Variants in GPC5 observed in about 807,000 individuals in gnomAD.
GPC5 encodes the protein glypican 5.
GPC5 carries 47 observed loss-of-function variants against 53.9 expected under a neutral mutation model. The observed-to-expected ratio is 0.87, with a 90% CI of 0.69 to 1.11. The LOEUF is 1.11. Ranked by LOEUF, GPC5 falls within the 50% of genes most tolerant of loss-of-function variation. The probability of loss-of-function intolerance (pLI) is 0.00; values close to 1 mark genes in which losing one functional copy is unlikely to be tolerated. For synonymous variants in GPC5, 286 were observed against 263.3 expected, an observed-to-expected ratio of 1.09 and a Z score of -0.84; for missense variants, 748 against 713.1, an observed-to-expected ratio of 1.05 and a Z score of -0.56.
intron 2 of GPC5, among the ~76,000 whole-genome samples, chr13:91,537,918 T>G (rs1886664050): frequency 6.6e-6 from 1 of 152,164 alleles, no homozygotes; most frequent in Non-Finnish European, 1.5e-5. Context: ...ACACACAAAC[T>G]TCTACACAGA....
At chr13:92,305,253 A>G (rs2043103135) in intron 7 of GPC5, among the ~76,000 whole-genome samples, 1 of 152,148 alleles carries the variant, frequency 6.6e-6, no homozygotes, top group Non-Finnish European at 1.5e-5. Flanking sequence ...TGTTCAAAAG[A>G]GAGTTGAGAA....
chr13:91,483,497 C>T (rs556434157), intron 2 of GPC5, among the ~76,000 whole-genome samples: 1 of 152,156 alleles, frequency 6.6e-6, no homozygotes, highest in Non-Finnish European at 1.5e-5. Flanking sequence ...CCTATTATGA[C>T]GCTCATCCTC....
chr13:92,114,633 T>C (rs1332757899), intron 6 of GPC5, among the ~76,000 whole-genome samples: 2 of 152,180 alleles, frequency 1.3e-5, no homozygotes, highest in Non-Finnish European at 2.9e-5. Flanking sequence ...GAATTAAATT[T>C]ATCCTCCCTC....
At chr13:91,935,138 G>A (rs775101319) in intron 6 of GPC5, among the ~76,000 whole-genome samples, 3 of 151,910 alleles carry the variant, frequency 2.0e-5, no homozygotes, top group Non-Finnish European at 4.4e-5. Context: ...GATTAGGATA[G>A]TGAAAAAGAA....
intron 7 of GPC5, among the ~76,000 whole-genome samples, chr13:92,189,976 A>T (rs1043617271): frequency 6.6e-6 from 1 of 152,208 alleles, no homozygotes; most frequent in African/African-American, 2.4e-5. Flanking sequence ...AATTCATGTC[A>T]GACACCAATT....
chr13:92,725,667 C>T (rs1888625551), intron 7 of GPC5, among the ~76,000 whole-genome samples: 1 of 151,382 alleles, frequency 6.6e-6, no homozygotes, highest in Non-Finnish European at 1.5e-5. Flanking sequence ...AAATAAAAAT[C>T]ACACGTTCAA....
intron 7 of GPC5, among the ~76,000 whole-genome samples, chr13:92,786,961 C>T (rs999636378): frequency 1.3e-5 from 2 of 152,218 alleles, no homozygotes; most frequent in African/African-American, 4.8e-5. Context: ...CTGACTAAAA[C>T]TTCACTTCAT....
chr13:92,723,464 C>T (rs1403831401), intron 7 of GPC5, among the ~76,000 whole-genome samples: 1 of 132,962 alleles, frequency 7.5e-6, no homozygotes, highest in Non-Finnish European at 1.6e-5. Flanking sequence ...GGTAAAATGG[C>T]CATGTTTGAC....
chr13:91,539,948 G>A (rs557199911), intron 2 of GPC5, among the ~76,000 whole-genome samples: 3 of 151,882 alleles, frequency 2.0e-5, no homozygotes, highest in Non-Finnish European at 2.9e-5. Flanking sequence ...CTTTAAAATC[G>A]GAAATAAGAC....
intron 7 of GPC5, among the ~76,000 whole-genome samples, chr13:92,599,391 G>C (rs555775940): frequency 6.6e-6 from 1 of 152,130 alleles, no homozygotes; most frequent in South Asian, 2.1e-4. Flanking sequence ...ATGGAAGAGC[G>C]GGGAGGGAAA....
At chr13:91,971,561 G>T (rs1310622570) in intron 6 of GPC5, among the ~76,000 whole-genome samples, 1 of 152,018 alleles carries the variant, frequency 6.6e-6, no homozygotes, top group Non-Finnish European at 1.5e-5. Flanking sequence ...TGATGTTAGG[G>T]TGTCAATTTT....
chr13:91,413,782 TA>T (rs1333700743), intron 1 of GPC5, among the ~76,000 whole-genome samples: 1 of 152,222 alleles, frequency 6.6e-6, no homozygotes, highest in Non-Finnish European at 1.5e-5. Context: ...CCTTCTTTTT[TA>T]ACTTTGCGTG....
At chr13:92,126,672 G>T (rs1239436864) in intron 6 of GPC5, among the ~76,000 whole-genome samples, 1 of 152,104 alleles carries the variant, frequency 6.6e-6, no homozygotes, top group Admixed American at 6.5e-5. Context: ...TTACTATCTG[G>T]CCCTGGACAG....
At chr13:91,812,382 A>C (rs1441276672) in intron 5 of GPC5, among the ~76,000 whole-genome samples, 1 of 152,212 alleles carries the variant, frequency 6.6e-6, no homozygotes, top group African/African-American at 2.4e-5. Context: ...TGAAAAAGCA[A>C]GAAAACTGAA....
At chr13:92,680,394 T>A (rs1476671568) in intron 7 of GPC5, among the ~76,000 whole-genome samples, 1 of 152,210 alleles carries the variant, frequency 6.6e-6, no homozygotes, top group Non-Finnish European at 1.5e-5. Context: ...TTTGCAAAAA[T>A]ATGTGCCAGC....
chr13:92,842,423 A>G (rs1401803427), intron 7 of GPC5, among the ~76,000 whole-genome samples: 2 of 152,132 alleles, frequency 1.3e-5, no homozygotes, highest in Admixed American at 6.6e-5. Context: ...TGGGTAACCC[A>G]CAGCCTGGGG....
At chr13:92,403,952 A>G (rs1875674856) in intron 7 of GPC5, among the ~76,000 whole-genome samples, 2 of 152,242 alleles carry the variant, frequency 1.3e-5, no homozygotes, top group Admixed American at 1.3e-4. Context: ...TAAAAATAAA[A>G]GGTATTTGAA....
At chr13:92,233,399 G>A (rs752904176) in intron 7 of GPC5, among the ~76,000 whole-genome samples, 1 of 152,198 alleles carries the variant, frequency 6.6e-6, no homozygotes, top group Non-Finnish European at 1.5e-5. Flanking sequence ...TAGGTCATCG[G>A]ATGGGGCTGA....
chr13:92,718,888 C>T (rs1426032208), intron 7 of GPC5, among the ~76,000 whole-genome samples: 2 of 131,854 alleles, frequency 1.5e-5, no homozygotes, highest in South Asian at 2.6e-4. Context: ...GAGACTCCGT[C>T]CCCCCACAAA....
Sources: gnomAD v4.1 joint callset for allele counts (sites outside exome capture counted in the v4.1 genomes callset) on GRCh38, gnomAD v4.1.1 for gene constraint, MANE v1.5 for transcripts, NCBI Gene and HGNC (gene_info 2026-07-23, HGNC 2026-07-21) for gene names.